Variants in PHLPP1 observed in about 807,000 individuals in gnomAD.
PHLPP1 encodes PH domain leucine-rich repeat-containing protein phosphatase 1.
A neutral mutation model predicts 117.2 loss-of-function variants in PHLPP1; 42 were observed. The ratio of observed to expected loss-of-function variants is 0.36; its 90% CI spans 0.28 to 0.46. PHLPP1 has a LOEUF of 0.46. Ranked by LOEUF, PHLPP1 falls within the 20% of genes least tolerant of loss-of-function variation. PHLPP1 has a pLI of 1.00. For missense variants in PHLPP1, 2,084 were observed against 2,241.9 expected, an observed-to-expected ratio of 0.93 and a Z score of 1.42; for synonymous variants, 1,042 against 970.7, an observed-to-expected ratio of 1.07 and a Z score of -1.37.
In PHLPP1 at chr18:62,838,830, C is replaced by T. The variant is rs182221550; in HGVS notation, c.1820C>T (p.Ser607Phe). 1.2e-4 allele frequency: 199 copies of T among 1,613,734 alleles called. No homozygotes were observed. The African/African-American group carries it at 2.5e-3, about 20-fold the overall frequency. ...KHQHCLAFSSSGPQSQTYYIC... is the reference protein window; with the variant it reads ...KHQHCLAFSSFGPQSQTYYIC... Reference sequence around the variant, plus strand: ...CAACACTGTTTAGCATTTAGCTCCTCTGGACCCCAAAGCCAGACTTACTAC... The same window carrying T: ...CAACACTGTTTAGCATTTAGCTCCTTTGGACCCCAAAGCCAGACTTACTAC... Residue 607 changes from serine (S) to phenylalanine (F), a missense_variant, in exon 3 of 17, where the codon TCT becomes TTT. By Grantham distance (155) the Ser-to-Phe change is radical. This residue lies in a region of PHLPP1 where 1,365 missense variants were observed against 1,605.9 expected (regional missense o/e 0.85). Coordinates refer to ENST00000262719, the MANE Select transcript of PHLPP1 (RefSeq NM_194449.4).
At chr18:62,852,592 C>T (rs1915386446) in intron 3 of PHLPP1, among the ~76,000 whole-genome samples, 1 of 152,186 alleles carries the variant, frequency 6.6e-6, no homozygotes, top group Admixed American at 6.5e-5. Flanking sequence ...ATCCGCCCGC[C>T]TCGGCCTTCC....
At chr18:62,773,325 C>T (rs546673982) in intron 1 of PHLPP1, among the ~76,000 whole-genome samples, 25 of 152,262 alleles carry the variant, frequency 1.6e-4, no homozygotes, top group African/African-American at 5.3e-4. Flanking sequence ...GAAGGTGGAA[C>T]GTTGTCAAAG....
At chr18:62,770,086 C>G (rs1912706551) in intron 1 of PHLPP1, among the ~76,000 whole-genome samples, 1 of 151,934 alleles carries the variant, frequency 6.6e-6, no homozygotes, top group Non-Finnish European at 1.5e-5. Flanking sequence ...GTATTTCCTA[C>G]TAGTCTTTTT....
intron 1 of PHLPP1, among the ~76,000 whole-genome samples, chr18:62,729,670 G>A (rs1041988311): frequency 2.0e-5 from 3 of 151,420 alleles, no homozygotes; most frequent in African/African-American, 4.9e-5. Flanking sequence ...GCAAGACTTC[G>A]TCTAAAAAAA....
At chr18:62,817,652 GA>G (rs893267716) in intron 1 of PHLPP1, among the ~76,000 whole-genome samples, 1 of 151,472 alleles carries the variant, frequency 6.6e-6, no homozygotes, top group East Asian at 1.9e-4. Context: ...TATGAGGTCA[GA>G]AAAAAAATTT....
intron 16 of PHLPP1, among the ~76,000 whole-genome samples, chr18:62,976,289 C>T (rs1444587718): frequency 6.6e-6 from 1 of 152,192 alleles, no homozygotes; most frequent in African/African-American, 2.4e-5. Flanking sequence ...GACAATGCTG[C>T]TCAACACCCC....
chr18:62,782,309 G>A (rs531989925), intron 1 of PHLPP1, among the ~76,000 whole-genome samples: 41 of 152,312 alleles, frequency 2.7e-4, no homozygotes, highest in African/African-American at 9.6e-4. Flanking sequence ...AACCAAGTAA[G>A]GGTTGTGGAG....
intron 4 of PHLPP1, among the ~76,000 whole-genome samples, chr18:62,866,389 C>T (rs1225460223): frequency 2.6e-5 from 4 of 151,998 alleles, no homozygotes; most frequent in Admixed American, 1.3e-4. Flanking sequence ...GGATTACAGG[C>T]ACCCGCCACC....
At chr18:62,841,334 T>C (rs1407971875) in intron 3 of PHLPP1, among the ~76,000 whole-genome samples, 4 of 145,538 alleles carry the variant, frequency 2.7e-5, no homozygotes, top group African/African-American at 1.0e-4. Context: ...TTTCTCTCTT[T>C]TTTTTTTTTT....
chr18:62,852,167 A>G (rs1034404768), intron 3 of PHLPP1, among the ~76,000 whole-genome samples: 1 of 152,140 alleles, frequency 6.6e-6, no homozygotes, highest in African/African-American at 2.4e-5. Context: ...GGCATGAGTC[A>G]CTGTGCCTGG....
chr18:62,801,715 G>A (rs1913791419), intron 1 of PHLPP1, among the ~76,000 whole-genome samples: 1 of 152,154 alleles, frequency 6.6e-6, no homozygotes, highest in African/African-American at 2.4e-5. Flanking sequence ...GCCTCCCAAA[G>A]TGCTGGGATT....
At chr18:62,827,085 A>G (rs556211580) in intron 1 of PHLPP1, among the ~76,000 whole-genome samples, 5 of 152,294 alleles carry the variant, frequency 3.3e-5, no homozygotes, top group South Asian at 2.1e-4. Context: ...AAGTGGTCCC[A>G]TGCCTGGTTT....
chr18:62,838,457 G>C, intron 2 of PHLPP1: 1 of 187,526 alleles, frequency 5.3e-6, no homozygotes, highest in Non-Finnish European at 1.1e-5. Context: ...AAAATCTTAA[G>C]TAAAAATTCT....
chr18:62,759,174 A>G (rs1446621040), intron 1 of PHLPP1, among the ~76,000 whole-genome samples: 1 of 152,340 alleles, frequency 6.6e-6, no homozygotes, highest in East Asian at 1.9e-4. Flanking sequence ...TTGCATGCCT[A>G]TAATGGTATG....
chr18:62,930,433 T>G (rs1425903585), intron 10 of PHLPP1, among the ~76,000 whole-genome samples: 1 of 150,802 alleles, frequency 6.6e-6, no homozygotes, highest in Non-Finnish European at 1.5e-5. Context: ...TATTCTTGTA[T>G]CAGATAAAAC....
Position 62,970,626 on chromosome 18 carries a change from G to A in PHLPP1, c.3561-1888G>A, listed in dbSNP as rs767927873. ...CAGAAAATACAAAAATTAGCTGGGC[G>A]TGGTGGCGGGTGCCTGTAATCCCAG... On this transcript the variant is annotated intron_variant, in intron 14 of 16. Transcript: ENST00000262719. Among the ~76,000 whole-genome samples the A allele has an allele frequency of 3.9e-5, 6 of 152,094 alleles. No individual in the cohort carries two copies. In the East Asian group the frequency reaches 7.7e-4, roughly 20 times the overall value.
At chr18:62,772,359 A>G (rs2081098163) in intron 1 of PHLPP1, among the ~76,000 whole-genome samples, 3 of 152,084 alleles carry the variant, frequency 2.0e-5, no homozygotes, top group South Asian at 4.1e-4. Flanking sequence ...TTTTTTAAGC[A>G]TAATTGGCAA....
At chr18:62,830,630 C>T (rs748841209) in intron 2 of PHLPP1, among the ~76,000 whole-genome samples, 1 of 152,188 alleles carries the variant, frequency 6.6e-6, no homozygotes. Context: ...TGATTTTTTA[C>T]TCATCTGAGG....
intron 3 of PHLPP1, among the ~76,000 whole-genome samples, chr18:62,841,974 GTGGCTATA>G (rs1402236513): frequency 6.6e-6 from 1 of 152,130 alleles, no homozygotes; most frequent in Non-Finnish European, 1.5e-5. Flanking sequence ...TCCTAGCCAT[GTGGCTATA>G]TCTAAGTTCC....
Sources: allele counts gnomAD v4.1 joint callset (sites outside exome capture counted in the v4.1 genomes callset), GRCh38; gene constraint gnomAD v4.1.1; regional missense constraint gnomAD v4.1.1; transcripts MANE v1.5; gene names NCBI Gene and HGNC (gene_info 2026-07-23, HGNC 2026-07-21).